Variants in STAU2 observed in about 807,000 individuals in gnomAD.
STAU2 encodes staufen double-stranded RNA binding protein 2.
Under a neutral mutation model 65.9 loss-of-function variants are expected in STAU2, and 20 were observed. The observed-to-expected ratio is 0.30, with a 90% CI of 0.21 to 0.44. The LOEUF is 0.44. Among genes scored for constraint, STAU2 ranks in the 20% least tolerant of loss-of-function variants. The pLI is 1.00. For missense variants in STAU2, 558 were observed against 683.9 expected (o/e 0.82, Z 2.05); for synonymous variants, 232 against 233.9 (o/e 0.99, Z 0.07).
chr8:73,466,644 T>C (rs1819671961), intron 13 of STAU2, among the ~76,000 whole-genome samples: 1 of 152,178 alleles, frequency 6.6e-6, no homozygotes, highest in South Asian at 2.1e-4. Context: ...CCTTTCCCAC[T>C]CTCTCACTCT....
chr8:73,522,000 A>T (rs1268796551), intron 13 of STAU2, among the ~76,000 whole-genome samples: 2 of 152,222 alleles, frequency 1.3e-5, no homozygotes, highest in Non-Finnish European at 1.5e-5. Context: ...TCTTTCATGT[A>T]TATGAAGCAA....
chr8:73,508,422 T>C (rs1273780436), intron 13 of STAU2, among the ~76,000 whole-genome samples: 1 of 152,070 alleles, frequency 6.6e-6, no homozygotes, highest in Non-Finnish European at 1.5e-5. Context: ...ACACAGAACA[T>C]TTATAAAGTT....
chr8:73,687,140 A>G (rs1448907137), intron 5 of STAU2, among the ~76,000 whole-genome samples: 1 of 143,904 alleles, frequency 6.9e-6, no homozygotes, highest in Non-Finnish European at 1.5e-5. Context: ...TATTATATAA[A>G]TTTATATAAA....
chr8:73,450,208 A>G (rs1818731136), intron 13 of STAU2, among the ~76,000 whole-genome samples: 1 of 152,230 alleles, frequency 6.6e-6, no homozygotes, highest in African/African-American at 2.4e-5. Flanking sequence ...AAGTTATTAA[A>G]CCAACTGGAG....
chr8:73,656,487 G>C (rs1406526250), intron 6 of STAU2, among the ~76,000 whole-genome samples: 2 of 152,102 alleles, frequency 1.3e-5, no homozygotes, highest in Non-Finnish European at 2.9e-5. Flanking sequence ...TCCATTTCTG[G>C]GAAATATTCC....
chr8:73,625,452 A>T (rs1813565716), intron 6 of STAU2, among the ~76,000 whole-genome samples: 1 of 152,236 alleles, frequency 6.6e-6, no homozygotes. Context: ...CTAGATACAA[A>T]AGAGTATATA....
At chr8:73,581,755 C>T (rs1001202838) in intron 12 of STAU2, among the ~76,000 whole-genome samples, 3 of 67,646 alleles carry the variant, frequency 4.4e-5, no homozygotes, top group Non-Finnish European at 8.3e-5. Flanking sequence ...CCCCAAAATG[C>T]CATTACCTCA....
chr8:73,709,268 T>TGA (rs1820726493), intron 3 of STAU2, 106 bp from the exon 4 acceptor site: 2 of 1,036,854 alleles, frequency 1.9e-6, no homozygotes, highest in African/African-American at 3.3e-5. Context: ...ATTATTTTCA[T>TGA]GAATTTTGTA....
intron 13 of STAU2, among the ~76,000 whole-genome samples, chr8:73,519,922 C>T (rs1822951742): frequency 6.6e-6 from 1 of 152,122 alleles, no homozygotes; most frequent in Non-Finnish European, 1.5e-5. Context: ...GTACAAAGTA[C>T]AGATAGAGCT....
chr8:73,673,902 CA>C (rs1817856710), intron 5 of STAU2, among the ~76,000 whole-genome samples: 1 of 151,880 alleles, frequency 6.6e-6, no homozygotes, highest in South Asian at 2.1e-4. Flanking sequence ...TAGCATAAAA[CA>C]CTGAACAGCT....
At chr8:73,551,918 AC>A in intron 13 of STAU2, 93 bp downstream of exon 13, 4 of 1,435,292 alleles carry the variant, frequency 2.8e-6, no homozygotes, top group Non-Finnish European at 3.7e-6. Context: ...TGTAGGCCAT[AC>A]TAGCAGGCAA....
At chr8:73,463,303 C>A (rs1819474139) in intron 13 of STAU2, among the ~76,000 whole-genome samples, 1 of 152,122 alleles carries the variant, frequency 6.6e-6, no homozygotes, top group African/African-American at 2.4e-5. Flanking sequence ...TTTGACCTGC[C>A]TCGAACTGAT....
intron 3 of STAU2, among the ~76,000 whole-genome samples, chr8:73,736,945 A>C (rs1586383865): frequency 6.6e-6 from 1 of 152,112 alleles, no homozygotes; most frequent in Admixed American, 6.5e-5. Flanking sequence ...GCTCACTGCA[A>C]CCTCCGTCTG....
rs553088414 is a variant in STAU2, at chr8:73,646,932, C to T, written c.410+26175G>A. Among the ~76,000 whole-genome samples, 15 of 122,294 alleles carry T rather than the reference C, an allele frequency of 1.2e-4. No homozygotes were observed. The East Asian group carries it at 3.1e-3, about 25-fold the overall frequency. The allele number at this position is 122,294 out of a possible 152,430, so 80.2% of individuals were successfully genotyped here. A position where few individuals can be genotyped will look rare whatever the true frequency, so the allele number is the denominator to read the frequency against. ...ACAGAGATATTTCACCAAAGACACA[C>T]AGCCAGACACACACACACACACACA... On this transcript the variant is annotated intron_variant, in intron 6 of 14. Coordinates refer to ENST00000524300, the MANE Select transcript of STAU2 (RefSeq NM_001164380.2).
At chr8:73,741,173 C>A (rs1425496986) in intron 1 of STAU2, among the ~76,000 whole-genome samples, 1 of 150,364 alleles carries the variant, frequency 6.7e-6, no homozygotes, top group East Asian at 2.0e-4. Context: ...GGCGTGGTGG[C>A]GGGCGCCTGT....
Position 73,690,223 on chromosome 8 carries a change from G to C in STAU2, c.115-1410C>G, listed in dbSNP as rs565312910. ...GGGTGCCTGTAGTCCCAGCTACTCG[G>C]GAGGCTGAGGCAGGAGAATGGCATG... is the stretch of plus-strand genomic sequence containing the variant. On this transcript the variant is annotated intron_variant, in intron 4 of 14. Transcript: ENST00000524300. Among the ~76,000 whole-genome samples the C allele has an allele frequency of 2.0e-5, 3 of 151,330 alleles. No individual in the cohort carries two copies. In the South Asian group the frequency reaches 6.3e-4, roughly 32 times the overall value.
intron 11 of STAU2, among the ~76,000 whole-genome samples, chr8:73,591,046 G>C (rs1019933000): frequency 6.6e-6 from 1 of 151,668 alleles, no homozygotes; most frequent in South Asian, 2.1e-4. Flanking sequence ...GCAAGGAAGG[G>C]GTATAATACC....
intron 13 of STAU2, among the ~76,000 whole-genome samples, chr8:73,528,180 CTT>C (rs1452962492): frequency 6.6e-6 from 1 of 152,154 alleles, no homozygotes; most frequent in Non-Finnish European, 1.5e-5. Flanking sequence ...AATTTTCTCT[CTT>C]CTTTGACTCC....
In STAU2 at chr8:73,537,984, T is replaced by G. The variant is rs73326791; in HGVS notation, c.1530+14028A>C. Among the ~76,000 whole-genome samples the G allele has an allele frequency of 4.0e-3, 614 of 152,322 alleles. 7 individuals are homozygous for G. Among genetic ancestry groups the G allele is most frequent in the African/African-American group, 0.013 (549 of 41,576 alleles). ...AATGCACAACCTCAATCTAATCATTTGAAAACATCAGGAAAACTCAAATTC... is the reference window on the plus strand; with the variant it reads ...AATGCACAACCTCAATCTAATCATTGGAAAACATCAGGAAAACTCAAATTC... On this transcript the variant is annotated intron_variant, in intron 13 of 14. Coordinates refer to ENST00000524300, the MANE Select transcript of STAU2 (RefSeq NM_001164380.2).
Sources: allele counts gnomAD v4.1 joint callset (sites outside exome capture counted in the v4.1 genomes callset), GRCh38; gene constraint gnomAD v4.1.1; transcripts MANE v1.5; gene names NCBI Gene and HGNC (gene_info 2026-07-23, HGNC 2026-07-21).